The following HMCN1 variants were observed in gnomAD, a reference collection of about 807,000 sequenced individuals.
The protein encoded by HMCN1 is hemicentin 1.
A neutral mutation model predicts 625.9 loss-of-function variants in HMCN1; 321 were observed. The observed-to-expected ratio is 0.51, with a 90% CI of 0.47 to 0.56. HMCN1 has a LOEUF of 0.56. Among genes scored for constraint, HMCN1 ranks in the 20% least tolerant of loss-of-function variants. HMCN1 has a pLI of 0.00. For missense variants in HMCN1, 6,588 were observed against 6,887.3 expected, an observed-to-expected ratio of 0.96 and a Z score of 1.54; for synonymous variants, 2,425 against 2,417.6, an observed-to-expected ratio of 1.00 and a Z score of -0.09.
chr1:186,178,488 G>A lies in HMCN1; in HGVS notation c.16016G>A (p.Cys5339Tyr). 1 of 1,614,076 alleles carries A rather than the reference G, an allele frequency of 6.2e-7. No individual in the cohort carries two copies. Among genetic ancestry groups the A allele is most frequent in the Non-Finnish European group, 8.5e-7 (1 of 1,179,998 alleles). Residue 5339 changes from cysteine (C) to tyrosine (Y), a missense_variant, in exon 104 of 107, where the codon TGT becomes TAT. Coordinates refer to ENST00000271588, the MANE Select transcript of HMCN1 (RefSeq NM_031935.3). ...TCCAACACCCCCGGCAGCTTCAAGT[G>A]TATCTGTCCACCAGGACAACATTTA... is the stretch of plus-strand genomic sequence containing the variant. ...QCSNTPGSFK[C>Y]ICPPGQHLLG...
At chr1:185,952,419 G>C (rs1649262458) in intron 11 of HMCN1, among the ~76,000 whole-genome samples, 2 of 151,636 alleles carry the variant, frequency 1.3e-5, no homozygotes, top group South Asian at 2.1e-4. Context: ...ACTCAGCGAC[G>C]CTTGGGGTTG....
At chr1:186,039,083 T>G (rs1476214175) in intron 38 of HMCN1, 78 bp downstream of exon 38, 1 of 979,524 alleles carries the variant, frequency 1.0e-6, no homozygotes, top group Non-Finnish European at 1.7e-6. Context: ...AAAATTCTTG[T>G]GTAAGTATTT....
chr1:186,123,221 G>A lies in HMCN1; in HGVS notation c.12499+1G>A. ...ACAAGCACCAAGCTCACCGTCCATGGTAGGTTGTTTAACATGAATTATTTT... is the reference window on the plus strand; with the variant it reads ...ACAAGCACCAAGCTCACCGTCCATGATAGGTTGTTTAACATGAATTATTTT... On this transcript the variant is annotated splice_donor_variant, in intron 81 of 106. Coordinates refer to ENST00000271588, the MANE Select transcript of HMCN1 (RefSeq NM_031935.3). LOFTEE classifies it high-confidence loss of function. 1 of 1,612,948 alleles carries A rather than the reference G, an allele frequency of 6.2e-7. No individual in the cohort carries two copies.
chr1:185,832,257 C>G (rs1313405933), intron 1 of HMCN1, among the ~76,000 whole-genome samples: 1 of 152,064 alleles, frequency 6.6e-6, no homozygotes, highest in Non-Finnish European at 1.5e-5. Flanking sequence ...GATCACACCA[C>G]TGCACTCCAG....
In HMCN1 at chr1:185,982,384, G is replaced by A; in HGVS notation, c.2785G>A (p.Ala929Thr). 1 of 1,612,978 alleles carries A rather than the reference G, an allele frequency of 6.2e-7. No individual in the cohort carries two copies. Among genetic ancestry groups the A allele is most frequent in the Non-Finnish European group, 8.5e-7 (1 of 1,179,386 alleles). ...AGAACGTCGGTGGATTAAGAATTCA[G>A]CTATGGTAAGAACATTTTAAATGCA... Reference protein sequence around the residue: ...IPERRWIKNSAMLLQNPYITV... With the variant: ...IPERRWIKNSTMLLQNPYITV... The change falls in exon 18 of 107, where the codon GCT (alanine) becomes ACT (threonine). Residue 929 changes from alanine to threonine, a missense_variant. By Grantham distance (58) the Ala-to-Thr change is moderately conservative. This residue lies in a region of HMCN1 where 4,628 missense variants were observed against 4,853.1 expected (regional missense o/e 0.95). Transcript: ENST00000271588.
At chr1:186,134,302 T>A (rs1571400164) in intron 86 of HMCN1, among the ~76,000 whole-genome samples, 1 of 152,180 alleles carries the variant, frequency 6.6e-6, no homozygotes, top group African/African-American at 2.4e-5. Context: ...GGTATCTAAA[T>A]TAAGGTTCTG....
intron 36 of HMCN1, among the ~76,000 whole-genome samples, chr1:186,025,798 G>T (rs1355487601): frequency 2.0e-5 from 3 of 152,164 alleles, no homozygotes; most frequent in Admixed American, 6.6e-5. Flanking sequence ...GAAGCAGAAG[G>T]TTAGTCATTT....
chr1:186,097,796 A>C (rs1360429380), intron 68 of HMCN1, among the ~76,000 whole-genome samples: 1 of 152,126 alleles, frequency 6.6e-6, no homozygotes, highest in African/African-American at 2.4e-5. Context: ...TACCTGACTT[A>C]AAAATACTAC....
intron 1 of HMCN1, among the ~76,000 whole-genome samples, chr1:185,764,827 A>G (rs932220624): frequency 5.3e-5 from 8 of 152,212 alleles, no homozygotes; most frequent in Non-Finnish European, 7.3e-5. Context: ...AATTTTAATG[A>G]GAACAGATAG....
In HMCN1 at chr1:186,128,237, A is replaced by G. The variant is rs886045683; in HGVS notation, c.12850A>G (p.Thr4284Ala). 1.9e-6 allele frequency: 3 copies of G among 1,613,612 alleles called. No homozygotes were observed. Among genetic ancestry groups the G allele is most frequent in the South Asian group, 2.2e-5 (2 of 91,078 alleles). ...ACAGCTACGATTAAGCTGTAAAGCT[A>G]CTGGTATTCCATTGCCCAAATTAAC... ...GEQLRLSCKA[T>A]GIPLPKLTWT... Residue 4284 changes from threonine to alanine, a missense_variant, in exon 83 of 107, where the codon ACT (threonine) becomes GCT (alanine). Coordinates refer to ENST00000271588, the MANE Select transcript of HMCN1 (RefSeq NM_031935.3).
rs935117430 is a variant in HMCN1, at chr1:186,117,102, T to G, written c.11670T>G (p.Asp3890Glu). Residue 3890 changes from aspartate (D) to glutamate (E), a missense_variant, in exon 76 of 107, where the codon GAT becomes GAG. Physicochemically the swap from Asp to Glu is conservative, Grantham distance 45. Around this residue, in one of 3 missense-constraint regions of HMCN1, gnomAD observed 4,628 missense variants for 4,853.1 expected, o/e 0.95. Coordinates refer to ENST00000271588, the MANE Select transcript of HMCN1 (RefSeq NM_031935.3). The part of the protein sequence containing the change: ...NGAGDDKRTV[D>E]LTVQVPPSIA... ...CTGGAGATGATAAAAGAACTGTGGA[T>G]CTCACTGTCCAAGGTAGAATTGGCT... 2 of 1,613,286 alleles carry G rather than the reference T, an allele frequency of 1.2e-6. No individual in the cohort carries two copies. Among genetic ancestry groups the G allele is most frequent in the African/African-American group, 2.7e-5 (2 of 74,878 alleles).
intron 69 of HMCN1, among the ~76,000 whole-genome samples, chr1:186,104,007 T>C (rs1660499969): frequency 2.0e-5 from 3 of 152,144 alleles, no homozygotes; most frequent in Admixed American, 1.3e-4. Flanking sequence ...TGCATATATA[T>C]AAGGTTTCAA....
At chr1:185,962,784 A>G (rs1310505757) in intron 12 of HMCN1, 125 bp downstream of exon 12, 1 of 719,672 alleles carries the variant, frequency 1.4e-6, no homozygotes, top group Non-Finnish European at 2.6e-6. Context: ...TTAGCTTTAC[A>G]TTTTCTAAAC....
intron 52 of HMCN1, 96 bp from the exon 53 acceptor site, chr1:186,074,645 C>A: frequency 4.7e-6 from 5 of 1,060,544 alleles, no homozygotes; most frequent in Non-Finnish European, 7.1e-6. Context: ...ATTTTATTTT[C>A]ATTTATTTAA....
chr1:186,141,153 C>T (rs1479610701), intron 89 of HMCN1, among the ~76,000 whole-genome samples: 1 of 151,902 alleles, frequency 6.6e-6, no homozygotes, highest in Non-Finnish European at 1.5e-5. Flanking sequence ...GGTTCGCACT[C>T]CTATGAGAAT....
chr1:186,102,862 C>A (rs1660446353), intron 68 of HMCN1, among the ~76,000 whole-genome samples: 1 of 152,044 alleles, frequency 6.6e-6, no homozygotes. Context: ...TGTTTCTTCC[C>A]AGTGTTTAGA....
At chr1:185,781,045 A>G (rs1026512954) in intron 1 of HMCN1, among the ~76,000 whole-genome samples, 5 of 152,220 alleles carry the variant, frequency 3.3e-5, no homozygotes, top group African/African-American at 9.7e-5. Flanking sequence ...TGGTCTATTC[A>G]GAGATTCAAC....
At chr1:186,171,227 T>C in intron 100 of HMCN1, 110 bp from the exon 101 acceptor site, 1 of 804,996 alleles carries the variant, frequency 1.2e-6, no homozygotes, top group South Asian at 1.4e-5. Context: ...GGATAGGTTT[T>C]AGAGAAGATC....
chr1:186,077,182 T>C (rs1228359136), intron 54 of HMCN1, among the ~76,000 whole-genome samples: 1 of 152,086 alleles, frequency 6.6e-6, no homozygotes, highest in Non-Finnish European at 1.5e-5. Context: ...GTCAGTGCAG[T>C]AAGTAATTGA....
Sources: gnomAD v4.1 joint callset for allele counts (sites outside exome capture counted in the v4.1 genomes callset) on GRCh38, gnomAD v4.1.1 for gene constraint, gnomAD v4.1.1 regional missense constraint, MANE v1.5 for transcripts, NCBI Gene and HGNC (gene_info 2026-07-23, HGNC 2026-07-21) for gene names.